CNTNAP2: variants seen among roughly 807,000 people sequenced by gnomAD.
CNTNAP2 encodes the protein contactin associated protein 2, also known as contactin-associated protein-like 2.
A neutral mutation model predicts 155.2 loss-of-function variants in CNTNAP2; 98 were observed. The ratio of observed to expected loss-of-function variants is 0.63; its 90% confidence interval spans 0.54 to 0.75. CNTNAP2 has a LOEUF of 0.75. Ranked by LOEUF, CNTNAP2 falls within the 30% of genes least tolerant of loss-of-function variation. The pLI is 0.00. For missense variants in CNTNAP2, 1,727 were observed against 1,688.1 expected (o/e 1.02, Z -0.40); for synonymous variants, 651 against 631.2 (o/e 1.03, Z -0.47).
intron 10 of CNTNAP2, among the ~76,000 whole-genome samples, chr7:147,485,614 G>A (rs1349661214): frequency 3.3e-5 from 5 of 152,114 alleles, no homozygotes; most frequent in African/African-American, 7.2e-5. Context: ...TTCACCAGGA[G>A]GGAACTTAGC....
chr7:146,613,487 A>G (rs1799173251), intron 1 of CNTNAP2, among the ~76,000 whole-genome samples: 1 of 152,230 alleles, frequency 6.6e-6, no homozygotes, highest in African/African-American at 2.4e-5. Context: ...TGTGTTCTAA[A>G]ATATTCTACC....
chr7:147,907,578 G>C (rs553538524), intron 14 of CNTNAP2, among the ~76,000 whole-genome samples: 2 of 151,982 alleles, frequency 1.3e-5, no homozygotes, highest in Non-Finnish European at 2.9e-5. Context: ...AGCTTGATGC[G>C]GGTAGACCTT....
chr7:146,711,723 TCTTATGTATACATATATAGTATACAC>T (rs1801077630), intron 1 of CNTNAP2, among the ~76,000 whole-genome samples: 1 of 146,838 alleles, frequency 6.8e-6, no homozygotes, highest in Non-Finnish European at 1.5e-5. Context: ...AGTATACACA[TCTTATGTATACATATATAGTATACAC>T]ATCTTATGTA....
chr7:147,110,456 C>A (rs914429879), intron 5 of CNTNAP2, among the ~76,000 whole-genome samples: 3 of 151,910 alleles, frequency 2.0e-5, no homozygotes, highest in Non-Finnish European at 4.4e-5. Flanking sequence ...GTTGTCTGCA[C>A]AGATCATCCC....
At chr7:146,569,722 T>C (rs578008369) in intron 1 of CNTNAP2, among the ~76,000 whole-genome samples, 25 of 152,292 alleles carry the variant, frequency 1.6e-4, no homozygotes, top group African/African-American at 6.0e-4. Context: ...GTGCTGCTCC[T>C]TGTGAATAAT....
chr7:146,975,513 C>T (rs763630462), intron 3 of CNTNAP2, among the ~76,000 whole-genome samples: 14 of 152,006 alleles, frequency 9.2e-5, no homozygotes, highest in African/African-American at 1.7e-4. Context: ...GTTTCACAGG[C>T]GCGTAATCCA....
At chr7:147,393,190 A>C (rs1796752657) in intron 9 of CNTNAP2, among the ~76,000 whole-genome samples, 1 of 152,100 alleles carries the variant, frequency 6.6e-6, no homozygotes. Context: ...GGAGAGAAAA[A>C]AATTAATGAA....
chr7:147,837,554 A>G (rs1421268487), intron 13 of CNTNAP2, among the ~76,000 whole-genome samples: 3 of 152,142 alleles, frequency 2.0e-5, no homozygotes, highest in Non-Finnish European at 2.9e-5. Context: ...AACTCATTTC[A>G]GCATTAACTC....
intron 12 of CNTNAP2, among the ~76,000 whole-genome samples, chr7:147,607,180 C>T (rs1050140347): frequency 2.6e-5 from 4 of 152,098 alleles, no homozygotes; most frequent in African/African-American, 4.8e-5. Context: ...AAATTAAATA[C>T]TTCCAGGGAC....
At chr7:146,802,341 C>G (rs373744696) in intron 2 of CNTNAP2, among the ~76,000 whole-genome samples, 2 of 152,216 alleles carry the variant, frequency 1.3e-5, no homozygotes, top group East Asian at 3.9e-4. Context: ...ACATCAAATC[C>G]CTGTCTTGAT....
At chr7:146,371,518 G>A (rs1025745520) in intron 1 of CNTNAP2, among the ~76,000 whole-genome samples, 9 of 151,568 alleles carry the variant, frequency 5.9e-5, no homozygotes, top group African/African-American at 1.2e-4. Flanking sequence ...ACAGGTACCC[G>A]CCACCGCGCC....
intron 9 of CNTNAP2, among the ~76,000 whole-genome samples, chr7:147,325,925 A>G (rs940883814): frequency 1.3e-5 from 2 of 151,366 alleles, no homozygotes; most frequent in Non-Finnish European, 2.9e-5. Context: ...CCAGCATTCT[A>G]TTTTCCTTTT....
chr7:147,241,130 G>A (rs1338342613), intron 8 of CNTNAP2, among the ~76,000 whole-genome samples: 4 of 152,166 alleles, frequency 2.6e-5, no homozygotes, highest in African/African-American at 7.2e-5. Flanking sequence ...AGGATCAGAC[G>A]TTGCTTCAAG....
chr7:147,379,985 T>A (rs1482393170), intron 9 of CNTNAP2, among the ~76,000 whole-genome samples: 1 of 152,104 alleles, frequency 6.6e-6, no homozygotes, highest in Admixed American at 6.6e-5. Flanking sequence ...TTAAAAGATG[T>A]ATGTTACATT....
chr7:146,477,859 A>C (rs2129127918), intron 1 of CNTNAP2, among the ~76,000 whole-genome samples: 1 of 152,268 alleles, frequency 6.6e-6, no homozygotes, highest in Middle Eastern at 3.4e-3. Context: ...TAAGGGTCAG[A>C]AAGTGAGTAA....
chr7:148,413,941 A>ATGTCT (rs141345650), intron 23 of CNTNAP2, among the ~76,000 whole-genome samples: 3,251 of 152,160 alleles, frequency 0.021, 113 homozygotes, highest in African/African-American at 0.074. Context: ...TTTAAAGTTC[A>ATGTCT]TGTCTTGTAG....
At chr7:146,478,778 G>C (rs1330178851) in intron 1 of CNTNAP2, among the ~76,000 whole-genome samples, 1 of 152,130 alleles carries the variant, frequency 6.6e-6, no homozygotes, top group Admixed American at 6.6e-5. Context: ...GGATGATTTA[G>C]AGACATGTGA....
chr7:146,179,445 A>G (rs1010549080), intron 1 of CNTNAP2, among the ~76,000 whole-genome samples: 4 of 152,200 alleles, frequency 2.6e-5, no homozygotes, highest in African/African-American at 9.6e-5. Context: ...TTAGTTCACT[A>G]AAAGAAATAA....
intron 1 of CNTNAP2, among the ~76,000 whole-genome samples, chr7:146,428,475 G>C (rs1272522935): frequency 1.3e-5 from 2 of 151,646 alleles, no homozygotes; most frequent in African/African-American, 4.8e-5. Flanking sequence ...TTGTGGTTTT[G>C]ATTTACGTTT....
Sources: allele counts gnomAD v4.1 joint callset (sites outside exome capture counted in the v4.1 genomes callset), GRCh38; gene constraint gnomAD v4.1.1; transcripts MANE v1.5; gene names NCBI Gene and HGNC (gene_info 2026-07-23, HGNC 2026-07-21).